The following UPF2 variants were observed in gnomAD, a reference collection of about 807,000 sequenced individuals.
UPF2 encodes the protein UPF2 regulator of nonsense mediated mRNA decay.
UPF2 carries 17 observed loss-of-function variants against 141.4 expected under a neutral mutation model. The observed-to-expected ratio is 0.12, with a 90% CI of 0.08 to 0.18. UPF2 has a LOEUF of 0.18. Ranked by LOEUF, UPF2 falls within the 10% of genes least tolerant of loss-of-function variation. The pLI is 1.00. For missense variants in UPF2, 1,152 were observed against 1,515.9 expected (o/e 0.76, Z 3.99); for synonymous variants, 540 against 498.0 (o/e 1.08, Z -1.12).
At chr10:12,005,449 A>C (rs1834020232) in intron 4 of UPF2, among the ~76,000 whole-genome samples, 1 of 152,218 alleles carries the variant, frequency 6.6e-6, no homozygotes, top group Admixed American at 6.5e-5. Flanking sequence ...ATAAGGTTTA[A>C]TGCACAGTTA....
chr10:11,955,634 C>A, intron 13 of UPF2, 127 bp from the exon 14 acceptor site: 1 of 959,788 alleles, frequency 1.0e-6, no homozygotes, highest in Non-Finnish European at 1.5e-6. Flanking sequence ...AATGACAGAT[C>A]TTTTCTAATA....
At chr10:12,021,380 T>A (rs117902427) in intron 3 of UPF2, among the ~76,000 whole-genome samples, 9 of 27,246 alleles carry the variant, frequency 3.3e-4, no homozygotes, top group South Asian at 1.0e-3. Flanking sequence ...AAAAAAAAAA[T>A]TTTTTTAAAT....
intron 12 of UPF2, among the ~76,000 whole-genome samples, chr10:11,958,151 G>A (rs117478764): frequency 3.9e-5 from 6 of 152,044 alleles, no homozygotes; most frequent in African/African-American, 9.7e-5. Context: ...CCAGGAGTTC[G>A]AGACCAGCCT....
rs113231849 is a variant in UPF2 at position 11,939,927 on chromosome 10, T to A, written c.3378+2738A>T. On this transcript the variant is annotated intron_variant, in intron 18 of 21. Coordinates refer to ENST00000357604, the MANE Select transcript of UPF2 (RefSeq NM_015542.4). This position sits in a 1 kb window ranked among gnomAD's most constrained non-coding sequence, Gnocchi z 4.8. ...TAATTTTAAATTCATTCTGCATTGATCTCCCTGCTCTTCTCTTTCCCTTGG... is the reference window on the plus strand; with the variant it reads ...TAATTTTAAATTCATTCTGCATTGAACTCCCTGCTCTTCTCTTTCCCTTGG... Among the ~76,000 whole-genome samples, 15 of 152,274 alleles carry A rather than the reference T, an allele frequency of 9.9e-5. No individual in the cohort carries two copies. The highest frequency in any genetic ancestry group is 3.4e-4 in the African/African-American group (14 of 41,542).
chr10:11,941,783 G>T (rs1274437411), intron 18 of UPF2, among the ~76,000 whole-genome samples: 1 of 152,118 alleles, frequency 6.6e-6, no homozygotes, highest in South Asian at 2.1e-4. Context: ...AGTACATATA[G>T]GGCTGAAGTA....
chr10:11,983,953 C>T (rs1377370010), intron 8 of UPF2, among the ~76,000 whole-genome samples: 1 of 151,238 alleles, frequency 6.6e-6, no homozygotes, highest in Non-Finnish European at 1.5e-5. Flanking sequence ...GACGGAGTTT[C>T]GTTCTCGTTG....
chr10:11,999,792 T>A, intron 7 of UPF2, 114 bp downstream of exon 7: 2 of 843,452 alleles, frequency 2.4e-6, no homozygotes, highest in Non-Finnish European at 3.9e-6. Flanking sequence ...AGACTTTATT[T>A]GAAGAAATGG....
chr10:11,968,385 C>A (rs572247823), intron 9 of UPF2, among the ~76,000 whole-genome samples: 1 of 152,182 alleles, frequency 6.6e-6, no homozygotes, highest in South Asian at 2.1e-4. Context: ...TTTGGCAACA[C>A]CAACCTTCTT....
chr10:11,923,652 T>C (rs1832674888), intron 21 of UPF2, among the ~76,000 whole-genome samples: 1 of 130,508 alleles, frequency 7.7e-6, no homozygotes, highest in African/African-American at 2.9e-5. Context: ...TGCACTCCGA[T>C]ATAGCGAGAC....
At chr10:11,970,312 T>A (rs1227179053) in intron 9 of UPF2, among the ~76,000 whole-genome samples, 1 of 151,602 alleles carries the variant, frequency 6.6e-6, no homozygotes, top group East Asian at 1.9e-4. Context: ...AAATTATACA[T>A]AAAATATAAT....
At chr10:11,942,995 G>A (rs140082568) in intron 17 of UPF2, 69 bp downstream of exon 17, 10 of 1,140,448 alleles carry the variant, frequency 8.8e-6, no homozygotes, top group East Asian at 7.1e-5. Context: ...ATTCAGTTTC[G>A]TGACTAAAAT....
chr10:11,973,365 C>T (rs953196834), intron 9 of UPF2, among the ~76,000 whole-genome samples: 3 of 152,136 alleles, frequency 2.0e-5, no homozygotes, highest in African/African-American at 7.2e-5. Flanking sequence ...GTTTCTTTTG[C>T]TGTGCAGAAG....
rs1373840071 is a variant in UPF2, at chr10:11,998,327, A to G, written c.1759-570T>C. 7.9e-5 allele frequency among the ~76,000 whole-genome samples: 12 copies of G among 152,104 alleles called. No individual in the cohort carries two copies. The highest frequency in any genetic ancestry group is 2.6e-4 in the Admixed American group (4 of 15,268). On this transcript the variant is annotated intron_variant, in intron 7 of 21. Transcript: ENST00000357604. This position sits in a 1 kb window ranked among gnomAD's most constrained non-coding sequence, Gnocchi z 4.5. ...TTCCAAAAGAAACTCAACTGTCTTC[A>G]ATCCCCTGTCTAAAATTTCATAAAA... is the stretch of plus-strand genomic sequence containing the variant.
Position 11,936,601 on chromosome 10 carries a change from C to G in UPF2, c.3490G>C (p.Glu1164Gln). 6.2e-7 allele frequency: 1 copy of G among 1,612,956 alleles called. No homozygotes were observed. The highest frequency in any genetic ancestry group is 8.5e-7 in the Non-Finnish European group (1 of 1,179,584). Residue 1164 changes from glutamate to glutamine, a missense_variant, in exon 19 of 22, where the codon GAG becomes CAG. By Grantham distance (29) the Glu-to-Gln change is conservative (BLOSUM62 2). Coordinates refer to ENST00000357604, the MANE Select transcript of UPF2 (RefSeq NM_015542.4). The surrounding 1 kb of genome is among the most constrained non-coding windows in gnomAD (Gnocchi z 6.6). Reference sequence around the variant, plus strand: ...ACAAACGGCATTGTGTCTGCAGACTCAGCCTCTCCTTCCCCACCTCCCAGT... The same window carrying G: ...ACAAACGGCATTGTGTCTGCAGACTGAGCCTCTCCTTCCCCACCTCCCAGT... ...PPLGGGEGEA[E>Q]SADTMPFVML... is the part of the protein sequence containing the mutation.
Position 11,955,430 on chromosome 10 carries a change from C to T in UPF2, c.2652G>A (p.Val884=). The T allele has an allele frequency of 6.2e-7, 1 of 1,614,110 alleles. No individual in the cohort carries two copies. Among genetic ancestry groups the T allele is most frequent in the Non-Finnish European group, 8.5e-7 (1 of 1,180,006 alleles). The change falls in exon 14 of 22, where the codon GTG becomes GTA. Residue 884 remains valine, a synonymous_variant. Transcript: ENST00000357604. The part of the protein sequence containing the change: ...FLGELYNYRM[V]ESAVIFRTLY... Reference sequence around the variant, plus strand: ...GAGTTCTGAAAATAACAGCTGATTCCACCATTCGGTAATTGTAAAGTTCTC... The same window carrying T: ...GAGTTCTGAAAATAACAGCTGATTCTACCATTCGGTAATTGTAAAGTTCTC...
At chr10:12,032,760 C>G (rs1019923717) in intron 2 of UPF2, among the ~76,000 whole-genome samples, 4 of 148,276 alleles carry the variant, frequency 2.7e-5, no homozygotes, top group Non-Finnish European at 6.0e-5. Context: ...AAAAGACTCT[C>G]TTAAGAATCA....
intron 21 of UPF2, chr10:11,923,199 C>T (rs1480004146): frequency 1.3e-5 from 2 of 152,210 alleles, no homozygotes; most frequent in South Asian, 2.1e-4. Context: ...TTCAGCAGCA[C>T]ATATACTAAA....
chr10:12,015,467 C>T (rs1405131338), intron 3 of UPF2, among the ~76,000 whole-genome samples: 4 of 152,172 alleles, frequency 2.6e-5, no homozygotes, highest in African/African-American at 4.8e-5. Flanking sequence ...TCTGGGAGGA[C>T]GAGGCAGGCG....
intron 21 of UPF2, among the ~76,000 whole-genome samples, chr10:11,929,288 C>A (rs1832752916): frequency 6.6e-6 from 1 of 152,226 alleles, no homozygotes; most frequent in South Asian, 2.1e-4. Context: ...TGATGTCTCT[C>A]TCTTGCTCAT....
Sources: gnomAD v4.1 joint callset for allele counts (sites outside exome capture counted in the v4.1 genomes callset) on GRCh38, gnomAD v4.1.1 for gene constraint, Gnocchi (gnomAD v3.1) non-coding constraint, MANE v1.5 for transcripts, NCBI Gene and HGNC (gene_info 2026-07-23, HGNC 2026-07-21) for gene names.